NPAS3: variants seen among roughly 807,000 people sequenced by gnomAD.
NPAS3 encodes the protein neuronal PAS domain protein 3, also known as neuronal PAS domain-containing protein 3.
NPAS3 carries 14 observed loss-of-function variants against 73.1 expected under a neutral mutation model. The ratio of observed to expected loss-of-function variants is 0.19; its 90% CI spans 0.13 to 0.30. The LOEUF (loss-of-function observed/expected upper bound fraction) is 0.30, where lower values mean the gene tolerates loss of function less well. Ranked by LOEUF, NPAS3 falls within the 10% of genes least tolerant of loss-of-function variation. NPAS3 has a pLI of 1.00. For synonymous variants in NPAS3, 620 were observed against 541.5 expected (o/e 1.14, Z -2.01); for missense variants, 1,096 against 1,250.0 (o/e 0.88, Z 1.86).
chr14:33,464,920 GT>G (rs1183721995), intron 4 of NPAS3, among the ~76,000 whole-genome samples: 5 of 152,136 alleles, frequency 3.3e-5, no homozygotes, highest in Non-Finnish European at 5.9e-5. Context: ...TAAGCACTCA[GT>G]TAATGTTAGC....
intron 2 of NPAS3, among the ~76,000 whole-genome samples, chr14:33,183,570 C>T (rs571501471): frequency 2.6e-5 from 4 of 151,644 alleles, no homozygotes; most frequent in Non-Finnish European, 5.9e-5. Flanking sequence ...TTCTCCATCA[C>T]GCCTGTGTCT....
At chr14:33,541,824 G>A (rs564466818) in intron 4 of NPAS3, among the ~76,000 whole-genome samples, 18 of 152,310 alleles carry the variant, frequency 1.2e-4, no homozygotes, top group South Asian at 6.2e-4. Context: ...CAAATCTGCT[G>A]TAGTTTCCAA....
At chr14:33,369,909 C>T (rs961650149) in intron 4 of NPAS3, among the ~76,000 whole-genome samples, 1 of 152,120 alleles carries the variant, frequency 6.6e-6, no homozygotes, top group Admixed American at 6.6e-5. Flanking sequence ...GATGAGATGG[C>T]TTCTACGTTT....
intron 4 of NPAS3, among the ~76,000 whole-genome samples, chr14:33,552,535 A>G (rs1255885500): frequency 2.0e-5 from 3 of 152,190 alleles, no homozygotes; most frequent in Admixed American, 6.5e-5. Context: ...TGCAATATAT[A>G]TTATATATAA....
At chr14:33,351,784 G>A (rs746023651) in intron 3 of NPAS3, among the ~76,000 whole-genome samples, 2 of 152,144 alleles carry the variant, frequency 1.3e-5, no homozygotes, top group Non-Finnish European at 2.9e-5. Context: ...GGCATGACAT[G>A]TGATTTACTC....
chr14:33,740,528 A>G (rs1352553837), intron 7 of NPAS3, among the ~76,000 whole-genome samples: 1 of 152,208 alleles, frequency 6.6e-6, no homozygotes, highest in Admixed American at 6.5e-5. Flanking sequence ...ATGGCATACC[A>G]CTAGAGATCC....
intron 1 of NPAS3, among the ~76,000 whole-genome samples, chr14:33,002,185 G>A (rs2038832242): frequency 6.6e-6 from 1 of 152,136 alleles, no homozygotes; most frequent in South Asian, 2.1e-4. Context: ...TTGTGTGCAT[G>A]TTTTGTTTCT....
intron 4 of NPAS3, among the ~76,000 whole-genome samples, chr14:33,385,010 T>C (rs2046717001): frequency 6.6e-6 from 1 of 152,182 alleles, no homozygotes; most frequent in Non-Finnish European, 1.5e-5. Context: ...TTAGGAAAGC[T>C]GGCGCAGGTG....
intron 3 of NPAS3, among the ~76,000 whole-genome samples, chr14:33,228,841 G>A (rs1433625394): frequency 6.6e-6 from 1 of 152,132 alleles, no homozygotes; most frequent in African/African-American, 2.4e-5. Flanking sequence ...GAAAAAGACG[G>A]TAGTCCTTAT....
chr14:33,716,858 G>A (rs2060971299), intron 6 of NPAS3, among the ~76,000 whole-genome samples: 2 of 151,982 alleles, frequency 1.3e-5, no homozygotes, highest in African/African-American at 4.8e-5. Flanking sequence ...TGCACCCTCA[G>A]CTGCCATCAA....
At chr14:33,105,884 A>G (rs575258389) in intron 2 of NPAS3, among the ~76,000 whole-genome samples, 10 of 152,188 alleles carry the variant, frequency 6.6e-5, no homozygotes, top group Non-Finnish European at 7.4e-5. Context: ...TTATTCCTAC[A>G]GGAGTTATTT....
At chr14:33,647,288 CTCTATA>C (rs929888032) in intron 5 of NPAS3, among the ~76,000 whole-genome samples, 38 of 149,848 alleles carry the variant, frequency 2.5e-4, no homozygotes, top group African/African-American at 6.3e-4. Flanking sequence ...CTCTCTCTCT[CTCTATA>C]TATATATATA....
In NPAS3 at chr14:33,196,606, C is replaced by A. The variant is rs1479872149; in HGVS notation, c.141-18576C>A. 2.6e-5 allele frequency among the ~76,000 whole-genome samples: 4 copies of A among 152,206 alleles called. No homozygotes were observed. The South Asian group carries it at 8.3e-4, about 31-fold the overall frequency. ...GAAATCTCCGCTATACAAATAAGGA[C>A]ACACAATAGCTGTTGAGCTCATGTG... On this transcript the variant is annotated intron_variant, in intron 2 of 11. Coordinates refer to ENST00000356141, the Ensembl canonical transcript of NPAS3.
At chr14:33,621,721 T>C (rs1940539467) in intron 5 of NPAS3, among the ~76,000 whole-genome samples, 1 of 152,176 alleles carries the variant, frequency 6.6e-6, no homozygotes, top group South Asian at 2.1e-4. Flanking sequence ...GAAATGTCTC[T>C]TTCCTTATCA....
At chr14:33,265,089 T>C (rs1001404730) in intron 3 of NPAS3, among the ~76,000 whole-genome samples, 5 of 152,222 alleles carry the variant, frequency 3.3e-5, no homozygotes, top group African/African-American at 1.2e-4. Flanking sequence ...TTTTCTTCTT[T>C]GGTAGCTTTC....
At chr14:33,365,916 T>C (rs946473673) in intron 3 of NPAS3, among the ~76,000 whole-genome samples, 5 of 152,214 alleles carry the variant, frequency 3.3e-5, no homozygotes, top group African/African-American at 1.2e-4. Context: ...TAGCTGAAAG[T>C]GTTTCTAGAA....
At chr14:33,669,693 C>T (rs1567109824) in intron 5 of NPAS3, among the ~76,000 whole-genome samples, 1 of 152,112 alleles carries the variant, frequency 6.6e-6, no homozygotes, top group African/African-American at 2.4e-5. Flanking sequence ...TGCTCACTTC[C>T]AAATAACTGG....
At chr14:33,105,486 C>T (rs946049359) in intron 2 of NPAS3, among the ~76,000 whole-genome samples, 1 of 152,096 alleles carries the variant, frequency 6.6e-6, no homozygotes, top group Non-Finnish European at 1.5e-5. Flanking sequence ...TCTCAACCTA[C>T]CTCCAGGTTT....
intron 2 of NPAS3, among the ~76,000 whole-genome samples, chr14:33,174,227 T>G (rs928054881): frequency 3.9e-5 from 6 of 152,188 alleles, no homozygotes; most frequent in Non-Finnish European, 5.9e-5. Flanking sequence ...TGACTTATCC[T>G]ATACACTGCA....
Sources: allele counts gnomAD v4.1 joint callset (sites outside exome capture counted in the v4.1 genomes callset), GRCh38; gene constraint gnomAD v4.1.1; transcripts MANE v1.5; gene names NCBI Gene and HGNC (gene_info 2026-07-23, HGNC 2026-07-21).